The following SYNPR variants were observed in gnomAD, a reference collection of about 807,000 sequenced individuals.
SYNPR encodes synaptoporin.
SYNPR carries 23 observed loss-of-function variants against 32.9 expected under a neutral mutation model. The ratio of observed to expected loss-of-function variants is 0.70; its 90% CI spans 0.50 to 0.99. The LOEUF is 0.99. Among genes scored for constraint, SYNPR ranks in the 50% least tolerant of loss-of-function variants. The pLI, the probability that SYNPR is intolerant of heterozygous loss-of-function variation, is 0.00. For missense variants in SYNPR, 318 were observed against 349.3 expected (o/e 0.91, Z 0.71); for synonymous variants, 146 against 135.9 (o/e 1.07, Z -0.52).
chr3:63,461,228 C>A (rs1700579773), intron 2 of SYNPR, among the ~76,000 whole-genome samples: 1 of 152,084 alleles, frequency 6.6e-6, no homozygotes, highest in Non-Finnish European at 1.5e-5. Flanking sequence ...TTTGTTGATT[C>A]ATTTCTAATG....
chr3:63,594,999 G>A (rs1215955922), intron 4 of SYNPR, among the ~76,000 whole-genome samples: 1 of 152,146 alleles, frequency 6.6e-6, no homozygotes, highest in Non-Finnish European at 1.5e-5. Context: ...CCCCAAGTAA[G>A]GGATAAATGT....
intron 4 of SYNPR, among the ~76,000 whole-genome samples, chr3:63,596,231 C>T (rs1699957462): frequency 6.6e-6 from 1 of 150,518 alleles, no homozygotes; most frequent in Non-Finnish European, 1.5e-5. Flanking sequence ...CTCCCCTCTC[C>T]TCACTCTCCT....
chr3:63,327,772 T>A (rs2087183131), intron 2 of SYNPR, among the ~76,000 whole-genome samples: 1 of 152,140 alleles, frequency 6.6e-6, no homozygotes, highest in Admixed American at 6.6e-5. Context: ...AGTAGCTAAC[T>A]TTTGGTGGTT....
intron 2 of SYNPR, among the ~76,000 whole-genome samples, chr3:63,294,158 A>C (rs2086770553): frequency 6.6e-6 from 1 of 152,174 alleles, no homozygotes; most frequent in African/African-American, 2.4e-5. Flanking sequence ...GTAGTTTTCA[A>C]ATGTATATTA....
intron 2 of SYNPR, among the ~76,000 whole-genome samples, chr3:63,301,733 A>T (rs1207332125): frequency 2.0e-5 from 3 of 152,048 alleles, no homozygotes; most frequent in Non-Finnish European, 2.9e-5. Flanking sequence ...TGTTTTAGGG[A>T]ATTTTCTGTA....
At chr3:63,563,634 G>A (rs950470202) in intron 4 of SYNPR, among the ~76,000 whole-genome samples, 8 of 151,294 alleles carry the variant, frequency 5.3e-5, no homozygotes, top group African/African-American at 1.9e-4. Flanking sequence ...TCCATTTCAT[G>A]TCTATTTTAT....
At chr3:63,465,849 A>AT (rs1003045628) in intron 2 of SYNPR, among the ~76,000 whole-genome samples, 9 of 151,002 alleles carry the variant, frequency 6.0e-5, no homozygotes, top group South Asian at 4.2e-4. Flanking sequence ...TTGAATCTAA[A>AT]TTTTTTTTTT....
intron 3 of SYNPR, among the ~76,000 whole-genome samples, chr3:63,540,693 A>G (rs1210574384): frequency 6.6e-6 from 1 of 152,072 alleles, no homozygotes; most frequent in Non-Finnish European, 1.5e-5. Context: ...GTATAACTCT[A>G]TGTTCACTAG....
chr3:63,356,600 C>T (rs1241106871), intron 2 of SYNPR, among the ~76,000 whole-genome samples: 1 of 152,164 alleles, frequency 6.6e-6, no homozygotes, highest in Non-Finnish European at 1.5e-5. Context: ...CTCCTCAGTT[C>T]TCTGTGCCCT....
intron 2 of SYNPR, among the ~76,000 whole-genome samples, chr3:63,397,673 T>C (rs1421389659): frequency 6.6e-6 from 1 of 152,142 alleles, no homozygotes; most frequent in East Asian, 1.9e-4. Flanking sequence ...AGACTACCAA[T>C]TTTGGCATTA....
intron 2 of SYNPR, among the ~76,000 whole-genome samples, chr3:63,414,791 T>C (rs1018625995): frequency 2.0e-5 from 3 of 152,236 alleles, no homozygotes; most frequent in Non-Finnish European, 4.4e-5. Flanking sequence ...GAATATCATT[T>C]GCACATATAA....
chr3:63,277,621 T>C (rs534966330), upstream of SYNPR, among the ~76,000 whole-genome samples: 2 of 152,270 alleles, frequency 1.3e-5, no homozygotes, highest in Non-Finnish European at 2.9e-5. Context: ...GCTAAATCTG[T>C]TTTCCACTGG....
At chr3:63,267,922 G>GA (rs2086504149) in intron 3 of SYNPR, among the ~76,000 whole-genome samples, 2 of 151,948 alleles carry the variant, frequency 1.3e-5, no homozygotes, top group East Asian at 3.9e-4. Context: ...ATGGAAGTCT[G>GA]AAAAAAAGCA....
At chr3:63,452,549 A>C (rs1700397639) in intron 2 of SYNPR, among the ~76,000 whole-genome samples, 1 of 152,192 alleles carries the variant, frequency 6.6e-6, no homozygotes, top group Non-Finnish European at 1.5e-5. Context: ...CAAGATGCTA[A>C]GAGTTTGCAT....
At chr3:63,468,395 G>A (rs1164296066) in intron 2 of SYNPR, among the ~76,000 whole-genome samples, 1 of 151,916 alleles carries the variant, frequency 6.6e-6, no homozygotes, top group African/African-American at 2.4e-5. Flanking sequence ...ATGATTCTGG[G>A]TTGCTACCTC....
chr3:63,288,418 G>A (rs2086706342), intron 2 of SYNPR, among the ~76,000 whole-genome samples: 1 of 152,282 alleles, frequency 6.6e-6, no homozygotes, highest in African/African-American at 2.4e-5. Context: ...ATTTTCTCAA[G>A]ATGTTACACC....
At chr3:63,396,618 G>A (rs2088217742) in intron 2 of SYNPR, among the ~76,000 whole-genome samples, 1 of 152,086 alleles carries the variant, frequency 6.6e-6, no homozygotes, top group African/African-American at 2.4e-5. Flanking sequence ...AAAGATGTAT[G>A]ATGGAGGCCC....
the SYNPR span, chr3:63,203,460 C>G: frequency 6.6e-6 from 1 of 152,232 alleles, no homozygotes; most frequent in Admixed American, 6.5e-5. Context: ...CTAGCTAAAG[C>G]TCAAATCACC....
intron 2 of SYNPR, among the ~76,000 whole-genome samples, chr3:63,362,734 T>C (rs937256270): frequency 6.6e-6 from 1 of 152,190 alleles, no homozygotes; most frequent in Admixed American, 6.5e-5. Flanking sequence ...AAGGCTTCCA[T>C]GAGAAGAGGC....
Sources: gnomAD v4.1 joint callset for allele counts (sites outside exome capture counted in the v4.1 genomes callset) on GRCh38, gnomAD v4.1.1 for gene constraint, MANE v1.5 for transcripts, NCBI Gene and HGNC (gene_info 2026-07-23, HGNC 2026-07-21) for gene names.